RASSF3: variants seen among roughly 807,000 people sequenced by gnomAD.
RASSF3 encodes the protein Ras association domain family member 3, also known as ras association domain-containing protein 3.
In RASSF3, 19 loss-of-function variants were observed where a neutral mutation model predicts 19.9. The ratio of observed to expected loss-of-function variants is 0.96; its 90% confidence interval spans 0.67 to 1.40. RASSF3 has a LOEUF of 1.40. Among genes scored for constraint, RASSF3 ranks in the 40% most tolerant of loss-of-function variants. The probability of loss-of-function intolerance (pLI) is 0.00; values close to 1 mark genes in which losing one functional copy is unlikely to be tolerated. For missense variants in RASSF3, 306 were observed against 289.8 expected, an observed-to-expected ratio of 1.06 and a Z score of -0.41; for synonymous variants, 110 against 104.2, an observed-to-expected ratio of 1.06 and a Z score of -0.34.
chr12:64,682,898 T>C (rs1378649369), intron 1 of RASSF3, among the ~76,000 whole-genome samples: 3 of 152,218 alleles, frequency 2.0e-5, no homozygotes, highest in African/African-American at 7.2e-5. Flanking sequence ...TTGAATCTGA[T>C]TATGCAGCTT....
chr12:64,519,218 G>C (rs573593891), intron 1 of RASSF3, among the ~76,000 whole-genome samples: 1 of 152,246 alleles, frequency 6.6e-6, no homozygotes, highest in East Asian at 1.9e-4. Flanking sequence ...TGGGCTACGT[G>C]GAGAGACCCC....
chr12:64,557,323 A>G (rs1315166860), intron 2 of RASSF3, among the ~76,000 whole-genome samples: 2 of 152,132 alleles, frequency 1.3e-5, no homozygotes, highest in African/African-American at 4.8e-5. Flanking sequence ...AGTACCGGGA[A>G]GTGCCCAACT....
chr12:64,560,365 G>A (rs145076633), intron 2 of RASSF3, among the ~76,000 whole-genome samples: 57 of 152,246 alleles, frequency 3.7e-4, no homozygotes, highest in African/African-American at 1.4e-3. Flanking sequence ...AGGTTCTCTA[G>A]CTCTCACAGT....
Position 64,550,836 on chromosome 12 carries a change from AAG to A in RASSF3, c.294+9133_294+9134del, listed in dbSNP as rs1555208657. 5.8e-4 allele frequency among the ~76,000 whole-genome samples: 86 copies of A among 148,810 alleles called. 3 individuals carry two copies. Among genetic ancestry groups the A allele is most frequent in the African/African-American group, 2.1e-3 (86 of 40,646 alleles). Reference sequence around the variant, plus strand: ...ACTCCATCTCAAAAAAAAAAAAAGAAAGAAAGAAAGGAAAAAAAAAAGAGAGA... The same window carrying A: ...ACTCCATCTCAAAAAAAAAAAAAGAAAAAGAAAGGAAAAAAAAAAGAGAGA... On this transcript the variant is annotated intron_variant, in intron 2 of 5. Transcript: ENST00000637125.
rs538541096 is a variant in RASSF3 at position 64,573,264 on chromosome 12, T to A, written c.294+31559T>A. ...AGGTCAAGGCTGCAGTGAGCTGTTA[T>A]CACACCACTGCACTCCAGCCTGGGT... On this transcript the variant is annotated intron_variant, in intron 2 of 5. Transcript: ENST00000637125. Among the ~76,000 whole-genome samples, 13 of 152,250 alleles carry A rather than the reference T, an allele frequency of 8.5e-5. No individual in the cohort carries two copies. The South Asian group carries it at 2.7e-3, about 32-fold the overall frequency.
intron 2 of RASSF3, among the ~76,000 whole-genome samples, chr12:64,604,348 A>C (rs1344700629): frequency 6.6e-6 from 1 of 150,514 alleles, no homozygotes; most frequent in African/African-American, 2.4e-5. Context: ...CTGGTCTCCA[A>C]CTCCTGCGTT....
At chr12:64,558,504 G>T (rs573497477) in intron 2 of RASSF3, among the ~76,000 whole-genome samples, 2 of 152,270 alleles carry the variant, frequency 1.3e-5, no homozygotes, top group African/African-American at 4.8e-5. Context: ...ATAGTGGGCA[G>T]TTCTGGGGGT....
chr12:64,520,555 C>CACACACACATAT (rs1435123674), intron 1 of RASSF3, among the ~76,000 whole-genome samples: 1 of 86,346 alleles, frequency 1.2e-5, no homozygotes, highest in African/African-American at 3.7e-5. Flanking sequence ...CACATACACA[C>CACACACACATAT]ATATATATAT....
chr12:64,579,127 CA>C (rs555192738), intron 2 of RASSF3, among the ~76,000 whole-genome samples: 10,267 of 129,430 alleles, frequency 0.079, 988 homozygotes, highest in African/African-American at 0.25. Flanking sequence ...AACTCTGTCT[CA>C]AAAAAAAAAA....
Position 64,599,931 on chromosome 12 carries a change from C to A in RASSF3, c.294+58226C>A, listed in dbSNP as rs528846410. ...CCTGTAGTCCCAGCTCCTCGGGAGG[C>A]TGAGGAAGGAGAATGGCGTGAACCC... On this transcript the variant is annotated intron_variant, in intron 2 of 5. Transcript: ENST00000637125. 1.0e-4 allele frequency among the ~76,000 whole-genome samples: 15 copies of A among 148,448 alleles called. No individual in the cohort carries two copies. The South Asian group carries it at 2.1e-3, about 21-fold the overall frequency.
Position 64,696,631 on chromosome 12 carries a change from G to C in RASSF3, c.*1719G>C, listed in dbSNP as rs1244087720. ...TTTATTGCATTTCTGTTCGTCTCTT[G>C]GTGGCTCTTCTGACTTTTTGGAGAA... On this transcript the variant is annotated 3_prime_UTR_variant, in exon 5 of 5. Coordinates refer to ENST00000542104, the MANE Select transcript of RASSF3 (RefSeq NM_178169.4). 6.6e-6 allele frequency: 1 copy of C among 151,874 alleles called. No individual in the cohort carries two copies. The highest frequency in any genetic ancestry group is 1.5e-5 in the Non-Finnish European group (1 of 67,984). 9.4% of individuals were successfully genotyped at this position (151,874 alleles called of 1,614,324 possible). A position where few individuals can be genotyped will look rare whatever the true frequency, so the allele number is the denominator to read the frequency against.
intron 2 of RASSF3, among the ~76,000 whole-genome samples, chr12:64,547,245 C>A (rs1473830804): frequency 6.9e-6 from 1 of 145,108 alleles, no homozygotes; most frequent in Non-Finnish European, 1.5e-5. Context: ...GTACTCCAGT[C>A]TGTGTGACAG....
intron 2 of RASSF3, among the ~76,000 whole-genome samples, chr12:64,555,467 C>T (rs965582239): frequency 5.3e-5 from 8 of 151,708 alleles, no homozygotes; most frequent in Non-Finnish European, 8.8e-5. Flanking sequence ...AAGCCTCTAC[C>T]GGCCGGGCAC....
chr12:64,588,927 C>T (rs982597714), intron 2 of RASSF3, among the ~76,000 whole-genome samples: 14 of 152,010 alleles, frequency 9.2e-5, no homozygotes, highest in Admixed American at 2.6e-4. Context: ...ATCTTTTTAA[C>T]GGAGTCAAAA....
chr12:64,657,011 CTTT>C (rs566413790), intron 1 of RASSF3, among the ~76,000 whole-genome samples: 1 of 135,750 alleles, frequency 7.4e-6, no homozygotes. Context: ...AGTATAGTTT[CTTT>C]TTTTTTTTTT....
Position 64,686,615 on chromosome 12 carries a change from A to C in RASSF3, c.220-1601A>C, listed in dbSNP as rs1393520795. Among the ~76,000 whole-genome samples the C allele has an allele frequency of 2.6e-5, 4 of 151,700 alleles. 1 individual carries two copies. The highest frequency in any genetic ancestry group is 9.7e-5 in the African/African-American group (4 of 41,280). On this transcript the variant is annotated intron_variant, in intron 2 of 4. Coordinates refer to ENST00000542104, the MANE Select transcript of RASSF3 (RefSeq NM_178169.4). ...GACAGAGCAAGACTCCATCTCAAAA[A>C]AAAGAGTTCAAGGCCAGCCTAGTCA... is the stretch of plus-strand genomic sequence containing the variant.
At position 64,691,520 on chromosome 12, in the gene RASSF3, G is replaced by T. The variant is rs748695079; in HGVS notation, c.508G>T (p.Val170Leu). ...GGAACATCCACTCTACCTGCGTTTG[G>T]TAGCAGGGCCCAGAACAGACACACT... is the stretch of plus-strand genomic sequence containing the variant. The part of the protein sequence containing the change: ...DREHPLYLRL[V>L]AGPRTDTLSF... The change falls in exon 4 of 5, where the codon GTA becomes TTA. Residue 170 changes from valine to leucine, a missense_variant. Val to Leu is a conservative substitution (Grantham distance 32). Coordinates refer to ENST00000542104, the MANE Select transcript of RASSF3 (RefSeq NM_178169.4). 2.5e-6 allele frequency: 4 copies of T among 1,614,020 alleles called. No individual in the cohort carries two copies. The African/African-American group carries it at 5.3e-5, about 22-fold the overall frequency.
intron 1 of RASSF3, among the ~76,000 whole-genome samples, chr12:64,624,287 G>A (rs1870906654): frequency 6.6e-6 from 1 of 151,920 alleles, no homozygotes; most frequent in Non-Finnish European, 1.5e-5. Flanking sequence ...TTAAAACTCA[G>A]TAATGAAAAA....
At chr12:64,528,217 G>A (rs1314795031) in intron 1 of RASSF3, among the ~76,000 whole-genome samples, 2 of 152,188 alleles carry the variant, frequency 1.3e-5, no homozygotes, top group East Asian at 1.9e-4. Flanking sequence ...AGACTGCAGT[G>A]AGCCATGATC....
Sources: gnomAD v4.1 joint callset for allele counts (sites outside exome capture counted in the v4.1 genomes callset) on GRCh38, gnomAD v4.1.1 for gene constraint, MANE v1.5 for transcripts, NCBI Gene and HGNC (gene_info 2026-07-23, HGNC 2026-07-21) for gene names.